The following CCNY variants were observed in gnomAD, a reference collection of about 807,000 sequenced individuals.
CCNY encodes cyclin-Y.
A neutral mutation model predicts 42.8 loss-of-function variants in CCNY; 19 were observed. That is an observed-to-expected ratio of 0.44 (90% CI 0.31 to 0.65). The LOEUF is 0.65. Among genes scored for constraint, CCNY ranks in the 30% least tolerant of loss-of-function variants. The pLI, the probability that CCNY is intolerant of heterozygous loss-of-function variation, is 0.07. For synonymous variants in CCNY, 165 were observed against 162.7 expected (o/e 1.01, Z -0.11); for missense variants, 370 against 437.3 (o/e 0.85, Z 1.37).
intron 1 of CCNY, among the ~76,000 whole-genome samples, chr10:35,380,962 G>A (rs910139610): frequency 2.0e-5 from 3 of 152,082 alleles, no homozygotes; most frequent in Admixed American, 6.5e-5. Context: ...TGAAGCGTCC[G>A]AGTACCATTT....
chr10:35,277,174 T>C (rs1420145584), intron 3 of CCNY, among the ~76,000 whole-genome samples: 1 of 152,210 alleles, frequency 6.6e-6, no homozygotes. Context: ...GACCTGTTAC[T>C]GGTCTTGTTG....
chr10:35,540,639 A>G (rs1365559964), intron 7 of CCNY, among the ~76,000 whole-genome samples: 1 of 151,808 alleles, frequency 6.6e-6, no homozygotes, highest in Non-Finnish European at 1.5e-5. Flanking sequence ...CACTGAAGCC[A>G]TGTTGGTCAG....
At chr10:35,420,473 G>A (rs1349470428) in intron 1 of CCNY, among the ~76,000 whole-genome samples, 1 of 152,166 alleles carries the variant, frequency 6.6e-6, no homozygotes, top group Non-Finnish European at 1.5e-5. Flanking sequence ...GGCACAGGTA[G>A]CTTTTCAGTG....
intron 1 of CCNY, among the ~76,000 whole-genome samples, chr10:35,394,212 T>A (rs901452757): frequency 3.3e-5 from 5 of 152,224 alleles, no homozygotes; most frequent in African/African-American, 1.2e-4. Context: ...TAGAGACCAT[T>A]TGGCTGTTTT....
At position 35,535,132 on chromosome 10, in the gene CCNY, T is replaced by A. The variant is rs560498195; in HGVS notation, c.579+4889T>A. Among the ~76,000 whole-genome samples the A allele has an allele frequency of 6.6e-5, 10 of 151,452 alleles. No homozygotes were observed. The South Asian group carries it at 2.1e-3, about 32-fold the overall frequency. On this transcript the variant is annotated intron_variant, in intron 7 of 9. Transcript: ENST00000374704. The stretch of plus-strand genomic sequence containing the variant: ...ATAAAGACAAAGACAAAAGAATGTA[T>A]TTGGAAGAAGGGGTCAGGGGGCTCC...
chr10:35,440,446 T>A (rs898853873), intron 1 of CCNY, among the ~76,000 whole-genome samples: 1 of 152,182 alleles, frequency 6.6e-6, no homozygotes, highest in African/African-American at 2.4e-5. Flanking sequence ...AGATGAGATG[T>A]AAGAGAACAG....
At chr10:35,532,978 A>G (rs967262288) in intron 7 of CCNY, among the ~76,000 whole-genome samples, 10 of 152,246 alleles carry the variant, frequency 6.6e-5, no homozygotes, top group Non-Finnish European at 1.3e-4. Flanking sequence ...GTCTGGAAGG[A>G]CATCAGGCTG....
intron 3 of CCNY, among the ~76,000 whole-genome samples, chr10:35,267,603 A>G (rs977612080): frequency 7.9e-5 from 12 of 152,162 alleles, no homozygotes; most frequent in Non-Finnish European, 1.5e-4. Flanking sequence ...AGGTTCTGAC[A>G]ATGATATAGA....
chr10:35,510,445 G>A (rs72798174), intron 3 of CCNY, among the ~76,000 whole-genome samples: 4,658 of 152,212 alleles, frequency 0.031, 104 homozygotes, highest in South Asian at 0.08. Flanking sequence ...TCGAACTCCT[G>A]GGCTCAATTG....
At chr10:35,335,078 C>G (rs1835996305), upstream of CCNY, among the ~76,000 whole-genome samples, 2 of 149,340 alleles carry the variant, frequency 1.3e-5, no homozygotes, top group South Asian at 4.4e-4. Flanking sequence ...CCCCCCACCC[C>G]ACAAGACTCT....
chr10:35,441,594 A>G (rs1181248984), intron 1 of CCNY, among the ~76,000 whole-genome samples: 2 of 152,172 alleles, frequency 1.3e-5, no homozygotes, highest in Non-Finnish European at 2.9e-5. Context: ...AAAATAAAAA[A>G]GGAAATAGCC....
At chr10:35,542,038 A>G (rs1222272207) in intron 7 of CCNY, among the ~76,000 whole-genome samples, 4 of 149,226 alleles carry the variant, frequency 2.7e-5, no homozygotes, top group East Asian at 2.0e-4. Context: ...TTAGGATCCC[A>G]TCCAGGACAC....
rs12267554 is a variant in CCNY at position 35,340,113 on chromosome 10, A to G, written c.154+2906A>G. ...AGAACTCACAGTAACCCTATGGGTAATATTACCCTTACTTTAAGACAAAGA... is the reference window on the plus strand; with the variant it reads ...AGAACTCACAGTAACCCTATGGGTAGTATTACCCTTACTTTAAGACAAAGA... On this transcript the variant is annotated intron_variant, in intron 1 of 9. Coordinates refer to ENST00000374704, the MANE Select transcript of CCNY (RefSeq NM_145012.6). 5.5e-3 allele frequency among the ~76,000 whole-genome samples: 838 copies of G among 152,312 alleles called. 9 individuals carry two copies. Among genetic ancestry groups the G allele is most frequent in the African/African-American group, 0.019 (803 of 41,562 alleles).
At chr10:35,335,623 CG>C, upstream of CCNY, among the ~76,000 whole-genome samples, 1 of 152,112 alleles carries the variant, frequency 6.6e-6, no homozygotes, top group East Asian at 1.9e-4. Flanking sequence ...GGAGTCCAGA[CG>C]GGAGGATTCC....
At chr10:35,357,959 C>G (rs1836594822) in intron 1 of CCNY, among the ~76,000 whole-genome samples, 1 of 152,010 alleles carries the variant, frequency 6.6e-6, no homozygotes, top group Admixed American at 6.6e-5. Context: ...CAAACTTTGA[C>G]TGGTGGGAGC....
chr10:35,390,800 G>GTAT lies in CCNY; in HGVS notation c.154+53607_154+53609dup, dbSNP rs1009633022. Among the ~76,000 whole-genome samples, 3 of 152,108 alleles carry GTAT rather than the reference G, an allele frequency of 2.0e-5. No homozygotes were observed. In the East Asian group the frequency reaches 5.8e-4, roughly 29 times the overall value. Reference sequence around the variant, plus strand: ...TAGTTTGGGAAGTCATGGAACTCCTGTATTATTATTATTATTTTTAATGAC... The same window carrying GTAT: ...TAGTTTGGGAAGTCATGGAACTCCTGTATTATTATTATTATTATTTTTAATGAC... On this transcript the variant is annotated intron_variant, in intron 1 of 9. Transcript: ENST00000374704.
In CCNY at chr10:35,341,107, T is replaced by C. The variant is rs1194109651; in HGVS notation, c.154+3900T>C. Reference sequence around the variant, plus strand: ...ACTCAAAAACGGCAGTGACTCGTTATTGCACAAGTAAAAGCCTTACAGTGG... The same window carrying C: ...ACTCAAAAACGGCAGTGACTCGTTACTGCACAAGTAAAAGCCTTACAGTGG... On this transcript the variant is annotated intron_variant, in intron 1 of 9. Coordinates refer to ENST00000374704, the MANE Select transcript of CCNY (RefSeq NM_145012.6). 3.3e-5 allele frequency among the ~76,000 whole-genome samples: 5 copies of C among 152,350 alleles called. No individual in the cohort carries two copies. The East Asian group carries it at 5.8e-4, about 18-fold the overall frequency.
chr10:35,316,054 T>C (rs373641612), intron 3 of CCNY, among the ~76,000 whole-genome samples: 1 of 152,252 alleles, frequency 6.6e-6, no homozygotes, highest in Non-Finnish European at 1.5e-5. Flanking sequence ...ATGTATCATA[T>C]ACAGTGCATT....
chr10:35,281,562 A>G (rs2135053898), intron 3 of CCNY, among the ~76,000 whole-genome samples: 1 of 152,192 alleles, frequency 6.6e-6, no homozygotes, highest in Non-Finnish European at 1.5e-5. Flanking sequence ...TCGGTCTTCC[A>G]AAGTGCTTGG....
Sources: gnomAD v4.1 joint callset for allele counts (sites outside exome capture counted in the v4.1 genomes callset) on GRCh38, gnomAD v4.1.1 for gene constraint, MANE v1.5 for transcripts, NCBI Gene and HGNC (gene_info 2026-07-23, HGNC 2026-07-21) for gene names.